Variants in NRG1 observed in about 807,000 individuals in gnomAD.
NRG1 encodes neuregulin 1, also known as pro-neuregulin-1, membrane-bound isoform.
In NRG1, 18 loss-of-function variants were observed where a neutral mutation model predicts 63.8. That is an observed-to-expected ratio of 0.28 (90% confidence interval 0.19 to 0.42). NRG1 has a LOEUF of 0.42. Ranked by LOEUF, NRG1 falls within the 10% of genes least tolerant of loss-of-function variation. The pLI is 1.00. For missense variants in NRG1, 762 were observed against 814.7 expected, an observed-to-expected ratio of 0.94 and a Z score of 0.79; for synonymous variants, 302 against 301.3, an observed-to-expected ratio of 1.00 and a Z score of -0.02.
intron 5 of NRG1, among the ~76,000 whole-genome samples, chr8:32,639,030 A>G (rs1388871924): frequency 6.6e-6 from 1 of 152,058 alleles, no homozygotes; most frequent in East Asian, 1.9e-4. Flanking sequence ...TTGATCAGCA[A>G]CAAGGAGAAA....
intron 3 of NRG1, among the ~76,000 whole-genome samples, chr8:32,610,013 T>G (rs1846095939): frequency 6.6e-6 from 1 of 151,944 alleles, no homozygotes; most frequent in Non-Finnish European, 1.5e-5. Flanking sequence ...AAAAAAAAAG[T>G]TGTTAAAATA....
chr8:32,706,552 GGTGT>G (rs10604171), intron 5 of NRG1, among the ~76,000 whole-genome samples: 107 of 150,700 alleles, frequency 7.1e-4, no homozygotes, highest in African/African-American at 2.3e-3. Flanking sequence ...GGTATATATA[GGTGT>G]GTGTGTGTGT....
chr8:32,270,411 T>A (rs1399587173), intron 1 of NRG1, among the ~76,000 whole-genome samples: 1 of 152,206 alleles, frequency 6.6e-6, no homozygotes, highest in East Asian at 1.9e-4. Flanking sequence ...AACTTCTCAT[T>A]CTGACATCAC....
At chr8:32,095,641 G>C (rs996276706) in intron 1 of NRG1, among the ~76,000 whole-genome samples, 1 of 152,140 alleles carries the variant, frequency 6.6e-6, no homozygotes, top group African/African-American at 2.4e-5. Context: ...CCTTATGACT[G>C]TCCTGATATC....
At chr8:32,287,779 A>G (rs1853712745) in intron 1 of NRG1, among the ~76,000 whole-genome samples, 2 of 152,176 alleles carry the variant, frequency 1.3e-5, no homozygotes, top group African/African-American at 4.8e-5. Context: ...GTTCCCTTTC[A>G]ATGTCGAGAG....
intron 1 of NRG1, among the ~76,000 whole-genome samples, chr8:31,910,266 A>G (rs1027574750): frequency 6.6e-6 from 1 of 152,226 alleles, no homozygotes; most frequent in Non-Finnish European, 1.5e-5. Context: ...CAGTATGACC[A>G]GAGTGTAGAT....
At chr8:32,044,747 T>G (rs934313904) in intron 1 of NRG1, among the ~76,000 whole-genome samples, 1 of 151,330 alleles carries the variant, frequency 6.6e-6, no homozygotes, top group African/African-American at 2.4e-5. Context: ...AAAAATAAAT[T>G]ATTTCAAACT....
At chr8:31,861,798 A>T (rs1302917288) in intron 1 of NRG1, among the ~76,000 whole-genome samples, 1 of 152,182 alleles carries the variant, frequency 6.6e-6, no homozygotes, top group Admixed American at 6.5e-5. Flanking sequence ...AAATACCATG[A>T]TCCAGTAATG....
chr8:32,315,206 G>A (rs954539903), intron 1 of NRG1, among the ~76,000 whole-genome samples: 4 of 152,100 alleles, frequency 2.6e-5, no homozygotes, highest in Non-Finnish European at 5.9e-5. Flanking sequence ...AGCCCCACAC[G>A]CATTAGCTGT....
intron 1 of NRG1, among the ~76,000 whole-genome samples, chr8:32,368,358 C>T (rs1182914096): frequency 2.0e-5 from 3 of 151,974 alleles, no homozygotes; most frequent in Non-Finnish European, 4.4e-5. Context: ...TGCTTGAGCC[C>T]CAGAGTTCAA....
chr8:32,193,264 T>C (rs1182907928), intron 1 of NRG1, among the ~76,000 whole-genome samples: 1 of 151,890 alleles, frequency 6.6e-6, no homozygotes, highest in Non-Finnish European at 1.5e-5. Context: ...TTGATGATGA[T>C]AATGAATCAC....
intron 1 of NRG1, among the ~76,000 whole-genome samples, chr8:32,131,418 T>C (rs1834808861): frequency 6.6e-6 from 1 of 152,020 alleles, no homozygotes; most frequent in Admixed American, 6.6e-5. Context: ...CAGAGAGTTA[T>C]ATTTTTCATC....
intron 1 of NRG1, among the ~76,000 whole-genome samples, chr8:32,409,247 A>T (rs1042340492): frequency 2.0e-5 from 3 of 152,194 alleles, no homozygotes; most frequent in Non-Finnish European, 4.4e-5. Context: ...ATATGCAAAA[A>T]TTCACTCAAG....
intron 1 of NRG1, among the ~76,000 whole-genome samples, chr8:32,478,548 A>G (rs533833875): frequency 5.9e-5 from 9 of 152,376 alleles, no homozygotes; most frequent in Non-Finnish European, 1.0e-4. Flanking sequence ...AACGTTTAAT[A>G]GAGATCATTG....
intron 1 of NRG1, among the ~76,000 whole-genome samples, chr8:32,501,809 A>G (rs1379391192): frequency 6.6e-6 from 1 of 152,212 alleles, no homozygotes. Flanking sequence ...TCAAGAGGTA[A>G]AGAAAACATT....
intron 1 of NRG1, among the ~76,000 whole-genome samples, chr8:32,305,838 A>G (rs1856133332): frequency 6.6e-6 from 1 of 152,210 alleles, no homozygotes; most frequent in Admixed American, 6.5e-5. Flanking sequence ...AAGTTCTTGC[A>G]TTGCCAGTGT....
intron 1 of NRG1, among the ~76,000 whole-genome samples, chr8:31,987,528 T>A (rs1243885321): frequency 6.6e-6 from 1 of 151,764 alleles, no homozygotes; most frequent in Non-Finnish European, 1.5e-5. Context: ...CACTTACAAG[T>A]GAGAGCTGAA....
At chr8:31,652,128 A>G (rs1804911221) in intron 1 of NRG1, among the ~76,000 whole-genome samples, 1 of 152,190 alleles carries the variant, frequency 6.6e-6, no homozygotes, top group Non-Finnish European at 1.5e-5. Context: ...GCGCTGAGAT[A>G]AATTCAGTTA....
At chr8:31,648,199 T>G (rs1029433191) in intron 1 of NRG1, among the ~76,000 whole-genome samples, 23 of 138,458 alleles carry the variant, frequency 1.7e-4, no homozygotes, top group Non-Finnish European at 6.1e-5. Context: ...TGTGGCGCGA[T>G]CTCGACTCAC....
Sources: allele counts gnomAD v4.1 joint callset (sites outside exome capture counted in the v4.1 genomes callset), GRCh38; gene constraint gnomAD v4.1.1; transcripts MANE v1.5; gene names NCBI Gene and HGNC (gene_info 2026-07-23, HGNC 2026-07-21).